The following UMAD1 variants were observed in gnomAD, a reference collection of about 807,000 sequenced individuals.
The protein encoded by UMAD1 is UBAP1-MVB12-associated (UMA)-domain containing protein 1.
UMAD1 carries 8 observed loss-of-function variants against 6.1 expected under a neutral mutation model. The observed-to-expected ratio is 1.30, with a 90% CI of 0.76 to 2.35. The LOEUF (loss-of-function observed/expected upper bound fraction) is 2.35, where lower values mean the gene tolerates loss of function less well. UMAD1 is among the 30% of genes most tolerant of loss of function. The pLI is 0.00. For missense variants in UMAD1, 130 were observed against 78.4 expected (o/e 1.66, Z -2.49); for synonymous variants, 56 against 31.4 (o/e 1.78, Z -2.61).
At chr7:7,675,694 A>C (rs1779721347) in intron 2 of UMAD1, among the ~76,000 whole-genome samples, 1 of 152,160 alleles carries the variant, frequency 6.6e-6, no homozygotes, top group South Asian at 2.1e-4. Context: ...ACCATCTTGG[A>C]CTAGCATAAT....
At chr7:7,776,630 A>G (rs1298231439) in intron 2 of UMAD1, among the ~76,000 whole-genome samples, 1 of 152,234 alleles carries the variant, frequency 6.6e-6, no homozygotes, top group Non-Finnish European at 1.5e-5. Context: ...ATGCCAAAAA[A>G]TAATCAATCT....
chr7:7,874,008 G>A (rs758650200), intron 3 of UMAD1, among the ~76,000 whole-genome samples: 31 of 152,146 alleles, frequency 2.0e-4, no homozygotes, highest in African/African-American at 7.0e-4. Context: ...CCTGATGTCC[G>A]CTAGGCACTG....
intron 3 of UMAD1, among the ~76,000 whole-genome samples, chr7:7,856,752 T>C (rs1784026266): frequency 6.6e-6 from 1 of 152,198 alleles, no homozygotes; most frequent in Admixed American, 6.5e-5. Context: ...AAGTAAGCCA[T>C]ACTAGGGGAC....
At chr7:7,752,055 T>C (rs1781687936) in intron 2 of UMAD1, among the ~76,000 whole-genome samples, 1 of 152,194 alleles carries the variant, frequency 6.6e-6, no homozygotes, top group Admixed American at 6.5e-5. Context: ...AGACTCCTAA[T>C]TTAGGTACAT....
chr7:7,715,892 C>G (rs1301911869), intron 2 of UMAD1, among the ~76,000 whole-genome samples: 1 of 152,110 alleles, frequency 6.6e-6, no homozygotes, highest in Non-Finnish European at 1.5e-5. Flanking sequence ...TACATTTTAA[C>G]CATTTACTAA....
chr7:7,743,686 GTATA>G (rs1563171695), intron 2 of UMAD1, among the ~76,000 whole-genome samples: 7 of 150,734 alleles, frequency 4.6e-5, no homozygotes, highest in African/African-American at 9.7e-5. Context: ...ACATATATGT[GTATA>G]TGTATATGTA....
chr7:7,724,300 TA>T (rs949911715), intron 2 of UMAD1, among the ~76,000 whole-genome samples: 2 of 152,078 alleles, frequency 1.3e-5, no homozygotes, highest in Non-Finnish European at 1.5e-5. Flanking sequence ...GTCAGGTAAT[TA>T]ATGGAGTTTT....
At chr7:7,677,268 T>C (rs1483674615) in intron 2 of UMAD1, among the ~76,000 whole-genome samples, 2 of 152,176 alleles carry the variant, frequency 1.3e-5, no homozygotes, top group African/African-American at 2.4e-5. Flanking sequence ...TTCCACTCTT[T>C]TAGTTATTTA....
intron 2 of UMAD1, among the ~76,000 whole-genome samples, chr7:7,700,603 A>G (rs1780436295): frequency 6.6e-6 from 1 of 151,922 alleles, no homozygotes; most frequent in African/African-American, 2.4e-5. Context: ...AAAAACACCA[A>G]AGGGCCGGGC....
chr7:7,655,163 A>G (rs901595592), intron 1 of UMAD1, among the ~76,000 whole-genome samples: 3 of 152,134 alleles, frequency 2.0e-5, no homozygotes, highest in African/African-American at 7.2e-5. Context: ...GAGATTATCA[A>G]ATGATGCCTC....
rs1252594401 is a variant in UMAD1 at position 7,878,454 on chromosome 7, A to G, written c.*916A>G. 6.6e-6 allele frequency: 1 copy of G among 152,200 alleles called. No homozygotes were observed. The highest frequency in any genetic ancestry group is 2.4e-5 in the African/African-American group (1 of 41,436). The allele number at this position is 152,200 out of a possible 1,614,324, so 9.4% of individuals were successfully genotyped here. ...ATGTTTTACTGCTGGAAAAACTGAA[A>G]TCAACTCATTTCCAATTAGAGTATA... On this transcript the variant is annotated 3_prime_UTR_variant, in exon 4 of 4. Coordinates refer to ENST00000682710, the MANE Select transcript of UMAD1 (RefSeq NM_001302348.2).
intron 3 of UMAD1, among the ~76,000 whole-genome samples, chr7:7,845,483 A>G (rs1355591784): frequency 6.6e-6 from 1 of 152,078 alleles, no homozygotes; most frequent in Non-Finnish European, 1.5e-5. Flanking sequence ...GAGACTAGAA[A>G]TTTCTTTTAA....
At chr7:7,802,782 C>G (rs1782828471) in intron 3 of UMAD1, among the ~76,000 whole-genome samples, 1 of 152,002 alleles carries the variant, frequency 6.6e-6, no homozygotes. Flanking sequence ...AATGCCTAGC[C>G]CACAGTAGGT....
intron 2 of UMAD1, among the ~76,000 whole-genome samples, chr7:7,748,424 T>C (rs1458754477): frequency 2.0e-5 from 3 of 152,078 alleles, no homozygotes; most frequent in African/African-American, 7.2e-5. Flanking sequence ...AGACTAACAG[T>C]GATATTTTGA....
intron 2 of UMAD1, among the ~76,000 whole-genome samples, chr7:7,792,601 C>T (rs1247861311): frequency 3.9e-5 from 6 of 152,166 alleles, no homozygotes; most frequent in Non-Finnish European, 7.3e-5. Flanking sequence ...CCAGGTCTGC[C>T]TCTGTTACAT....
At chr7:7,863,556 C>T (rs548977896) in intron 3 of UMAD1, among the ~76,000 whole-genome samples, 110 of 152,100 alleles carry the variant, frequency 7.2e-4, no homozygotes, top group African/African-American at 2.6e-3. Context: ...TGCTTTACTT[C>T]GGTTTTTGTT....
At chr7:7,783,894 G>A (rs1332366865) in intron 2 of UMAD1, among the ~76,000 whole-genome samples, 1 of 152,146 alleles carries the variant, frequency 6.6e-6, no homozygotes, top group Non-Finnish European at 1.5e-5. Flanking sequence ...ACGGTATGCT[G>A]TCTACTCTAA....
chr7:7,698,637 T>C (rs1780374710), intron 2 of UMAD1, among the ~76,000 whole-genome samples: 1 of 152,162 alleles, frequency 6.6e-6, no homozygotes, highest in South Asian at 2.1e-4. Context: ...AGTAACCCAG[T>C]TGTAATGTGG....
chr7:7,851,574 T>G (rs1783918703), intron 3 of UMAD1, among the ~76,000 whole-genome samples: 5 of 152,218 alleles, frequency 3.3e-5, no homozygotes, highest in Admixed American at 3.3e-4. Flanking sequence ...TGTTATTATC[T>G]GACTTCTTGA....
Sources: allele counts gnomAD v4.1 joint callset (sites outside exome capture counted in the v4.1 genomes callset), GRCh38; gene constraint gnomAD v4.1.1; transcripts MANE v1.5; gene names NCBI Gene and HGNC (gene_info 2026-07-23, HGNC 2026-07-21).